The following RAB11FIP1 variants were observed in gnomAD, a reference collection of about 807,000 sequenced individuals.
The protein encoded by RAB11FIP1 is RAB11 family interacting protein 1, also known as rab11 family-interacting protein 1.
Under a neutral mutation model 83.1 loss-of-function variants are expected in RAB11FIP1, and 49 were observed. That is an observed-to-expected ratio of 0.59 (90% CI 0.47 to 0.75). The LOEUF (loss-of-function observed/expected upper bound fraction) is 0.75. Ranked by LOEUF, RAB11FIP1 falls within the 30% of genes least tolerant of loss-of-function variation. RAB11FIP1 has a pLI of 0.00. For synonymous variants in RAB11FIP1, 670 were observed against 656.0 expected, an observed-to-expected ratio of 1.02 and a Z score of -0.33; for missense variants, 1,536 against 1,598.7, an observed-to-expected ratio of 0.96 and a Z score of 0.67.
At chr8:37,878,426 C>T (rs952263788) in intron 1 of RAB11FIP1, among the ~76,000 whole-genome samples, 6 of 148,340 alleles carry the variant, frequency 4.0e-5, no homozygotes, top group Admixed American at 1.4e-4. Context: ...CCCAGCTACT[C>T]AGGAGACCGT....
At chr8:37,884,618 G>A (rs907940963) in intron 1 of RAB11FIP1, among the ~76,000 whole-genome samples, 5 of 151,710 alleles carry the variant, frequency 3.3e-5, no homozygotes, top group Admixed American at 6.6e-5. Context: ...GCATGATCTC[G>A]GCTTACTGCA....
chr8:37,898,980 G>T, intron 1 of RAB11FIP1, 91 bp downstream of exon 1: 1 of 1,293,860 alleles, frequency 7.7e-7, no homozygotes, highest in Non-Finnish European at 1.0e-6. Context: ...GCTGCTGCCC[G>T]GCTTACTCTC....
Position 37,877,940 on chromosome 8 carries a change from G to A in RAB11FIP1, c.372-389C>T, listed in dbSNP as rs181605255. ...TCACCATGGTAGCCAGGCTGGACTC[G>A]AACTCCTGACCTCAGATGATCCGCC... On this transcript the variant is annotated intron_variant, in intron 1 of 5. Transcript: ENST00000330843. The A allele has an allele frequency of 2.5e-3, 405 of 159,052 alleles. 11 individuals are homozygous for A. Among genetic ancestry groups the A allele is most frequent in the Admixed American group, 0.021 (323 of 15,660 alleles). The allele number at this position is 159,052 out of a possible 1,614,324, so 9.9% of individuals were successfully genotyped here. A position where few individuals can be genotyped will look rare whatever the true frequency, so the allele number is the denominator to read the frequency against.
chr8:37,882,747 T>C (rs1013059759), intron 1 of RAB11FIP1, among the ~76,000 whole-genome samples: 9 of 152,204 alleles, frequency 5.9e-5, no homozygotes, highest in African/African-American at 1.9e-4. Context: ...ACATAGCCAG[T>C]TGACAATTCC....
chr8:37,872,851 C>G lies in RAB11FIP1; in HGVS notation c.1951G>C (p.Ala651Pro), dbSNP rs1433394938. 2 of 1,614,174 alleles carry G rather than the reference C, an allele frequency of 1.2e-6. No individual in the cohort carries two copies. The highest frequency in any genetic ancestry group is 1.7e-5 in the Admixed American group (1 of 60,024). Residue 651 changes from alanine to proline, a missense_variant, in exon 4 of 6, where the codon GCC (alanine) becomes CCC (proline). Ala to Pro is a conservative substitution (Grantham distance 27, BLOSUM62 -1). Coordinates refer to ENST00000330843, the MANE Select transcript of RAB11FIP1 (RefSeq NM_001002814.3). ...LTPVPNSGSSALGSLFKQPSF... is the reference protein window; with the variant it reads ...LTPVPNSGSSPLGSLFKQPSF... ...GGCTGTTTGAAAAGTGATCCCAGGG[C>G]AGAAGAACCAGAATTTGGAACCGGT...
In RAB11FIP1 at chr8:37,874,942, G is replaced by T; in HGVS notation, c.1195C>A (p.Arg399=). 1 of 1,614,162 alleles carries T rather than the reference G, an allele frequency of 6.2e-7. No individual in the cohort carries two copies. Among genetic ancestry groups the T allele is most frequent in the Non-Finnish European group, 8.5e-7 (1 of 1,180,032 alleles). The change falls in exon 3 of 6, where the codon CGA becomes AGA. Residue 399 remains arginine (R), a synonymous_variant. Coordinates refer to ENST00000330843, the MANE Select transcript of RAB11FIP1 (RefSeq NM_001002814.3). ...SLKSMTLPSY[R]PAPLVSGDLR... ...TCCCCACTGACCAGTGGGGCAGGTCGGTAGGACGGCAGGGTCATAGACTTC... is the reference window on the plus strand; with the variant it reads ...TCCCCACTGACCAGTGGGGCAGGTCTGTAGGACGGCAGGGTCATAGACTTC...
intron 5 of RAB11FIP1, among the ~76,000 whole-genome samples, chr8:37,865,823 T>A (rs551971545): frequency 8.5e-5 from 13 of 152,330 alleles, no homozygotes; most frequent in African/African-American, 3.1e-4. Context: ...TGTACAATTA[T>A]ATATAACATT....
At chr8:37,885,538 T>A (rs1388309726) in intron 1 of RAB11FIP1, among the ~76,000 whole-genome samples, 1 of 151,810 alleles carries the variant, frequency 6.6e-6, no homozygotes, top group East Asian at 1.9e-4. Context: ...GGGATCTTAT[T>A]TTTTTTTGGT....
Position 37,872,681 on chromosome 8 carries a change from C to T in RAB11FIP1, c.2121G>A (p.Pro707=), listed in dbSNP as rs781104075. Residue 707 remains proline, a synonymous_variant, in exon 4 of 6, where the codon CCG becomes CCA. Transcript: ENST00000330843. ...AGTCTTGTTTTTTGCAGGGGAATCTCGGAAGTTCTTCCTCTTGTCGCCCTG... is the reference window on the plus strand; with the variant it reads ...AGTCTTGTTTTTTGCAGGGGAATCTTGGAAGTTCTTCCTCTTGTCGCCCTG... The part of the protein sequence containing the change: ...PETGRQEEEL[P]RFPCKKQDYS... 2.2e-5 allele frequency: 35 copies of T among 1,614,068 alleles called. 1 individual carries two copies. Among genetic ancestry groups the T allele is most frequent in the African/African-American group, 1.6e-4 (12 of 74,922 alleles).
In RAB11FIP1 at chr8:37,870,420, C is replaced by T; in HGVS notation, c.3633G>A (p.Lys1211=). Residue 1211 remains lysine, a splice_region_variant and synonymous_variant, in exon 5 of 6, where the codon AAG becomes AAA. Coordinates refer to ENST00000330843, the MANE Select transcript of RAB11FIP1 (RefSeq NM_001002814.3). ...CACACCAGCTTCTCAGAGGACATAC[C>T]TTCATCATGACCTCATTGTTCAAGT... is the stretch of plus-strand genomic sequence containing the variant. The part of the protein sequence containing the change: ...SENLNNEVMM[K]KYSPSDPAFA... The T allele has an allele frequency of 6.4e-7, 1 of 1,573,044 alleles. No homozygotes were observed. Among genetic ancestry groups the T allele is most frequent in the Non-Finnish European group, 8.8e-7 (1 of 1,142,806 alleles).
rs956705430 is a variant in RAB11FIP1 at position 37,859,123 on chromosome 8, C to T, written c.*3772G>A. 4 of 151,964 alleles carry T rather than the reference C, an allele frequency of 2.6e-5. No individual in the cohort carries two copies. The highest frequency in any genetic ancestry group is 2.6e-4 in the Admixed American group (4 of 15,266). 9.4% of individuals were successfully genotyped at this position (151,964 alleles called of 1,614,324 possible). ...GAGGAAGAGGGCGTCAGTTAAGTAG[C>T]TCACACAGTAGATATGGAGACACCA... On this transcript the variant is annotated 3_prime_UTR_variant, in exon 6 of 6. Coordinates refer to ENST00000330843, the MANE Select transcript of RAB11FIP1 (RefSeq NM_001002814.3).
chr8:37,888,630 C>A (rs1425724009), intron 1 of RAB11FIP1, among the ~76,000 whole-genome samples: 1 of 151,904 alleles, frequency 6.6e-6, no homozygotes, highest in Non-Finnish European at 1.5e-5. Context: ...AGGCGTGCAC[C>A]ACCACACTCT....
In RAB11FIP1 at chr8:37,861,827, G is replaced by A. The variant is rs375257916; in HGVS notation, c.*1068C>T. On this transcript the variant is annotated 3_prime_UTR_variant, in exon 6 of 6. Coordinates refer to ENST00000330843, the MANE Select transcript of RAB11FIP1 (RefSeq NM_001002814.3). ...TGGTCTCGAACTCCTGACCTCAAGTGATCCACCCTCCTCGGCCTTGCAAAG... is the reference window on the plus strand; with the variant it reads ...TGGTCTCGAACTCCTGACCTCAAGTAATCCACCCTCCTCGGCCTTGCAAAG... 6 of 315,644 alleles carry A rather than the reference G, an allele frequency of 1.9e-5. No homozygotes were observed. Among genetic ancestry groups the A allele is most frequent in the East Asian group, 1.0e-4 (1 of 10,038 alleles). The allele number at this position is 315,644 out of a possible 1,614,324, so 19.6% of individuals were successfully genotyped here.
At chr8:37,891,303 C>A (rs1299189845) in intron 1 of RAB11FIP1, among the ~76,000 whole-genome samples, 2 of 152,224 alleles carry the variant, frequency 1.3e-5, no homozygotes, top group Admixed American at 1.3e-4. Context: ...ATCACTCTCT[C>A]TATTCAAGGC....
In RAB11FIP1 at chr8:37,863,069, G is replaced by T; in HGVS notation, c.3678C>A (p.Thr1226=). 1 of 1,612,764 alleles carries T rather than the reference G, an allele frequency of 6.2e-7. No individual in the cohort carries two copies. Among genetic ancestry groups the T allele is most frequent in the Non-Finnish European group, 8.5e-7 (1 of 1,179,998 alleles). Residue 1226 remains threonine, a synonymous_variant, in exon 6 of 6, where the codon ACC becomes ACA. Transcript: ENST00000330843. ...SDPAFAYAQL[T]HDELIQLVLK... is the part of the protein sequence containing the mutation. The stretch of plus-strand genomic sequence containing the variant: ...GGACCAGCTGAATCAGCTCATCGTG[G>T]GTCAGCTGCGCATATGCAAATGCAG...
Position 37,859,603 on chromosome 8 carries a change from C to A in RAB11FIP1, c.*3292G>T, listed in dbSNP as rs3192596. The A allele has an allele frequency of 0.75, 113,492 of 152,328 alleles. 42,526 individuals carry two copies. Among genetic ancestry groups the A allele is most frequent in the East Asian group, 0.94 (4,867 of 5,196 alleles). 9.4% of individuals were successfully genotyped at this position (152,328 alleles called of 1,614,324 possible). ...GCAGGATACCTGCCAAAGCCTGAGG[C>A]ATGAGATGATCTGAAACAATTGGGC... On this transcript the variant is annotated 3_prime_UTR_variant, in exon 6 of 6. Transcript: ENST00000330843.
chr8:37,868,150 G>A lies in RAB11FIP1; in HGVS notation c.3633+2270C>T, dbSNP rs369104900. On this transcript the variant is annotated intron_variant, in intron 5 of 5. Transcript: ENST00000330843. ...TAAAAAACAAAACAAGGCTGGGCGCGGTGGCTCACGCCTGTAATCCCAGCA... is the reference window on the plus strand; with the variant it reads ...TAAAAAACAAAACAAGGCTGGGCGCAGTGGCTCACGCCTGTAATCCCAGCA... Among the ~76,000 whole-genome samples, 26 of 152,180 alleles carry A rather than the reference G, an allele frequency of 1.7e-4. 1 individual carries two copies. The highest frequency in any genetic ancestry group is 1.3e-3 in the Admixed American group (20 of 15,278).
intron 5 of RAB11FIP1, among the ~76,000 whole-genome samples, chr8:37,865,110 A>G (rs1806317021): frequency 6.6e-6 from 1 of 152,070 alleles, no homozygotes; most frequent in Non-Finnish European, 1.5e-5. Flanking sequence ...TTTGTAAATA[A>G]TGGCAAAGAA....
At chr8:37,877,628 C>T in intron 1 of RAB11FIP1, 77 bp from the exon 2 acceptor site, 1 of 901,232 alleles carries the variant, frequency 1.1e-6, no homozygotes, top group Non-Finnish European at 1.7e-6. Context: ...ATGAACTGGC[C>T]TCTCCTCTCT....
Sources: gnomAD v4.1 joint callset for allele counts (sites outside exome capture counted in the v4.1 genomes callset) on GRCh38, gnomAD v4.1.1 for gene constraint, MANE v1.5 for transcripts, NCBI Gene and HGNC (gene_info 2026-07-23, HGNC 2026-07-21) for gene names.